PKHD1L1: variants seen among roughly 807,000 people sequenced by gnomAD.
PKHD1L1 encodes the protein PKHD1 like 1.
Under a neutral mutation model 462.9 loss-of-function variants are expected in PKHD1L1, and 434 were observed. That is an observed-to-expected ratio of 0.94 (90% confidence interval 0.87 to 1.02). PKHD1L1 has a LOEUF of 1.02. Ranked by LOEUF, PKHD1L1 falls within the 50% of genes least tolerant of loss-of-function variation. PKHD1L1 has a pLI of 0.00. For missense variants in PKHD1L1, 5,202 were observed against 5,096.1 expected, an observed-to-expected ratio of 1.02 and a Z score of -0.63; for synonymous variants, 1,781 against 1,750.0, an observed-to-expected ratio of 1.02 and a Z score of -0.44.
chr8:109,438,915 T>G lies in PKHD1L1; in HGVS notation c.3779T>G (p.Ile1260Ser). 6.2e-7 allele frequency: 1 copy of G among 1,610,206 alleles called. No homozygotes were observed. Among genetic ancestry groups the G allele is most frequent in the Non-Finnish European group, 8.5e-7 (1 of 1,178,154 alleles). ...RTILGEVNLT[I>S]KGYNFGNELT... ...ATACCAGGAGAAGTTAATTTAACAA[T>G]TAAGGGCTATAATTTTGGAAATGAA... The change falls in exon 32 of 78, where the codon ATT becomes AGT. Residue 1260 changes from isoleucine to serine, a missense_variant. By Grantham distance (142) the Ile-to-Ser change is moderately radical. Transcript: ENST00000378402.
At chr8:109,416,086 T>C in intron 21 of PKHD1L1, among the ~76,000 whole-genome samples, 1 of 152,126 alleles carries the variant, frequency 6.6e-6, no homozygotes, top group Admixed American at 6.5e-5. Context: ...ATCTCTTTAG[T>C]CATGAGGTAG....
chr8:109,485,673 G>T (rs2130901573), intron 58 of PKHD1L1, among the ~76,000 whole-genome samples: 1 of 152,032 alleles, frequency 6.6e-6, no homozygotes, highest in South Asian at 2.1e-4. Flanking sequence ...TCCCCATTTG[G>T]CATGGTACCT....
intron 63 of PKHD1L1, among the ~76,000 whole-genome samples, chr8:109,494,458 G>T (rs1004544328): frequency 1.1e-4 from 16 of 151,968 alleles, no homozygotes; most frequent in African/African-American, 2.9e-4. Flanking sequence ...TCACAGCATT[G>T]TCTGTACTAG....
intron 74 of PKHD1L1, 50 bp downstream of exon 74, chr8:109,522,387 A>T: frequency 1.4e-6 from 2 of 1,444,548 alleles, no homozygotes; most frequent in Non-Finnish European, 1.9e-6. Context: ...TTAAAATATC[A>T]TTACTTATTT....
intron 63 of PKHD1L1, among the ~76,000 whole-genome samples, chr8:109,496,599 C>G (rs1418052758): frequency 6.6e-6 from 1 of 152,126 alleles, no homozygotes; most frequent in Non-Finnish European, 1.5e-5. Flanking sequence ...AAAGTAAATA[C>G]TAATTAGAAT....
intron 4 of PKHD1L1, among the ~76,000 whole-genome samples, chr8:109,383,632 A>G (rs1426494200): frequency 6.6e-6 from 1 of 151,160 alleles, no homozygotes; most frequent in East Asian, 1.9e-4. Flanking sequence ...ATTCCAAAAT[A>G]TATTGCCAAA....
At chr8:109,391,294 G>A (rs1812700270) in intron 9 of PKHD1L1, among the ~76,000 whole-genome samples, 1 of 152,174 alleles carries the variant, frequency 6.6e-6, no homozygotes, top group Non-Finnish European at 1.5e-5. Flanking sequence ...CAGCATTAGT[G>A]TGCAAACCCA....
rs189485306 is a variant in PKHD1L1 at position 109,375,849 on chromosome 8, C to T, written c.164-5521C>T. Among the ~76,000 whole-genome samples the T allele has an allele frequency of 6.6e-3, 999 of 152,258 alleles. 7 individuals carry two copies. Among genetic ancestry groups the T allele is most frequent in the Middle Eastern group, 0.051 (15 of 294 alleles). ...TGAACCGCAGATGCTGCTGCCTGATCGTTCCTCTGGAAGTTTTGTCTCAGA... is the reference window on the plus strand; with the variant it reads ...TGAACCGCAGATGCTGCTGCCTGATTGTTCCTCTGGAAGTTTTGTCTCAGA... On this transcript the variant is annotated intron_variant, in intron 2 of 77. Transcript: ENST00000378402.
intron 60 of PKHD1L1, among the ~76,000 whole-genome samples, chr8:109,490,311 G>A (rs1818765663): frequency 6.6e-6 from 1 of 151,552 alleles, no homozygotes; most frequent in Non-Finnish European, 1.5e-5. Context: ...TATAATAGTG[G>A]TTTATATATC....
intron 5 of PKHD1L1, among the ~76,000 whole-genome samples, chr8:109,384,818 T>G (rs976697854): frequency 6.6e-6 from 1 of 152,122 alleles, no homozygotes; most frequent in Non-Finnish European, 1.5e-5. Flanking sequence ...ACTTATTTTT[T>G]GCCTATTGAC....
At chr8:109,424,631 C>T (rs948899047) in intron 23 of PKHD1L1, among the ~76,000 whole-genome samples, 1 of 151,960 alleles carries the variant, frequency 6.6e-6, no homozygotes, top group African/African-American at 2.4e-5. Flanking sequence ...CCTGGGTCAG[C>T]CACTGTATAA....
At chr8:109,470,643 GAA>G (rs56213806) in intron 50 of PKHD1L1, 791,615 of 1,556,494 alleles carry the variant, frequency 0.51, 205,521 homozygotes, top group South Asian at 0.63. Flanking sequence ...AACTAGAATT[GAA>G]AAGTTTGATA....
At position 109,485,174 on chromosome 8, in the gene PKHD1L1, G is replaced by T. The variant is rs1229066437; in HGVS notation, c.9706+1G>T. 1 of 1,562,186 alleles carries T rather than the reference G, an allele frequency of 6.4e-7. No individual in the cohort carries two copies. The highest frequency in any genetic ancestry group is 1.4e-5 in the African/African-American group (1 of 72,610). On this transcript the variant is annotated splice_donor_variant, in intron 58 of 77. Transcript: ENST00000378402. LOFTEE classifies it high-confidence loss of function. ...GATAGCCTTTCCTATACTCACTTTG[G>T]TAAGTGGATGCTTTTTAACCAAATA... is the stretch of plus-strand genomic sequence containing the variant.
intron 63 of PKHD1L1, 35 bp downstream of exon 63, chr8:109,493,786 G>A: frequency 7.3e-7 from 1 of 1,369,590 alleles, no homozygotes; most frequent in East Asian, 2.3e-5. Flanking sequence ...CTAAAACTAG[G>A]AAATAACTTG....
chr8:109,428,650 T>C (rs535263265), intron 25 of PKHD1L1, among the ~76,000 whole-genome samples: 2 of 152,318 alleles, frequency 1.3e-5, no homozygotes, highest in Non-Finnish European at 2.9e-5. Flanking sequence ...TCTGCTGGTG[T>C]CTGTGCATCT....
intron 67 of PKHD1L1, among the ~76,000 whole-genome samples, chr8:109,500,296 C>T (rs920470484): frequency 6.6e-6 from 1 of 151,838 alleles, no homozygotes; most frequent in Non-Finnish European, 1.5e-5. Context: ...CATCCATCAC[C>T]CTTTCTAAAT....
intron 51 of PKHD1L1, among the ~76,000 whole-genome samples, chr8:109,475,801 T>C (rs1586589124): frequency 7.5e-6 from 1 of 133,172 alleles, no homozygotes; most frequent in African/African-American, 2.9e-5. Flanking sequence ...TGAACCAAGA[T>C]CGCCCCACTG....
At chr8:109,501,082 G>A (rs1415440595) in intron 67 of PKHD1L1, among the ~76,000 whole-genome samples, 1 of 149,012 alleles carries the variant, frequency 6.7e-6, no homozygotes, top group Admixed American at 6.6e-5. Context: ...CCTACTTCTT[G>A]CCTTTGGTAC....
intron 6 of PKHD1L1, 28 bp from the exon 7 acceptor site, chr8:109,388,469 A>AC: frequency 6.9e-7 from 1 of 1,451,130 alleles, no homozygotes; most frequent in African/African-American, 1.4e-5. Flanking sequence ...ACATAACTTG[A>AC]TTTTTTCTAA....
Sources: gnomAD v4.1 joint callset for allele counts (sites outside exome capture counted in the v4.1 genomes callset) on GRCh38, gnomAD v4.1.1 for gene constraint, MANE v1.5 for transcripts, NCBI Gene and HGNC (gene_info 2026-07-23, HGNC 2026-07-21) for gene names.